Variants in ZFHX3 observed in about 807,000 individuals in gnomAD.
ZFHX3 encodes zinc finger homeobox protein 3.
In ZFHX3, 42 loss-of-function variants were observed where a neutral mutation model predicts 279.1. The observed-to-expected ratio is 0.15, with a 90% CI of 0.12 to 0.19. The LOEUF is 0.19. Ranked by LOEUF, ZFHX3 falls within the 10% of genes least tolerant of loss-of-function variation. The probability of loss-of-function intolerance (pLI) is 1.00; values close to 1 mark genes in which losing one functional copy is unlikely to be tolerated. For synonymous variants in ZFHX3, 2,293 were observed against 1,957.8 expected, an observed-to-expected ratio of 1.17 and a Z score of -4.52; for missense variants, 4,981 against 4,754.0, an observed-to-expected ratio of 1.05 and a Z score of -1.40.
chr16:72,864,570 A>G (rs2037966923), intron 4 of ZFHX3, among the ~76,000 whole-genome samples: 1 of 152,234 alleles, frequency 6.6e-6, no homozygotes, highest in Non-Finnish European at 1.5e-5. Flanking sequence ...TAGACACACA[A>G]GTAAAGCTTT....
At chr16:73,351,043 G>T (rs1045629394) in intron 3 of ZFHX3, among the ~76,000 whole-genome samples, 1 of 152,170 alleles carries the variant, frequency 6.6e-6, no homozygotes, top group Non-Finnish European at 1.5e-5. Flanking sequence ...AAGTGACACT[G>T]GTGGCATTTG....
intron 2 of ZFHX3, among the ~76,000 whole-genome samples, chr16:73,659,672 C>T (rs2052759751): frequency 6.6e-6 from 1 of 152,038 alleles, no homozygotes; most frequent in African/African-American, 2.4e-5. Flanking sequence ...CAAAGCATGG[C>T]AAAGTCTATC....
intron 4 of ZFHX3, among the ~76,000 whole-genome samples, chr16:73,304,675 A>C (rs1392031052): frequency 1.3e-5 from 2 of 152,218 alleles, no homozygotes; most frequent in African/African-American, 4.8e-5. Flanking sequence ...TTTTATGGCC[A>C]ACATTACAGA....
intron 1 of ZFHX3, among the ~76,000 whole-genome samples, chr16:73,032,066 C>T (rs916291319): frequency 2.0e-5 from 3 of 152,114 alleles, no homozygotes; most frequent in Non-Finnish European, 2.9e-5. Flanking sequence ...ATAGGCTGGG[C>T]GCAGTGGCTC....
intron 4 of ZFHX3, among the ~76,000 whole-genome samples, chr16:72,866,364 T>G (rs1216686322): frequency 6.6e-6 from 1 of 152,174 alleles, no homozygotes; most frequent in East Asian, 1.9e-4. Context: ...TTGCGTCCCC[T>G]TTTATAGGTA....
intron 3 of ZFHX3, among the ~76,000 whole-genome samples, chr16:72,941,513 G>T (rs973160162): frequency 2.0e-5 from 3 of 152,200 alleles, no homozygotes; most frequent in Admixed American, 6.5e-5. Context: ...TCAGGTAAGT[G>T]TAAGTATAAT....
intron 2 of ZFHX3, among the ~76,000 whole-genome samples, chr16:73,556,871 A>G (rs35302970): frequency 0.12 from 17,861 of 151,904 alleles, 3,573 homozygotes; most frequent in African/African-American, 0.41. Context: ...CGAGACAGGC[A>G]GATCACGAGG....
In ZFHX3 at chr16:72,796,257, T is replaced by C. The variant is rs762564526; in HGVS notation, c.6425A>G (p.Gln2142Arg). 71 of 1,614,034 alleles carry C rather than the reference T, an allele frequency of 4.4e-5. No homozygotes were observed. The Admixed American group carries it at 4.8e-4, about 11-fold the overall frequency. ...YQHQLNPTLL[Q>R]QQNKRPRTRI... is the part of the protein sequence containing the mutation. ...GGTGCGAGGCCTCTTGTTCTGCTGC[T>C]GGAGCAGGGTTGGATTGAGCTGATG... The change falls in exon 9 of 10, where the codon CAG becomes CGG. Residue 2142 changes from glutamine to arginine, a missense_variant. By Grantham distance (43) the Gln-to-Arg change is conservative. Around this residue, in one of 7 missense-constraint regions of ZFHX3, gnomAD observed 1,751 missense variants for 1,770.0 expected, o/e 0.99. Transcript: ENST00000268489.
At chr16:73,071,835 C>T (rs898447454) in intron 8 of ZFHX3, among the ~76,000 whole-genome samples, 2 of 152,164 alleles carry the variant, frequency 1.3e-5, no homozygotes, top group Non-Finnish European at 2.9e-5. Context: ...GCTTTGAAAG[C>T]GGACAGCAAG....
chr16:72,796,826 A>G lies in ZFHX3; in HGVS notation c.5856T>C (p.Phe1952=), dbSNP rs768878428. The change falls in exon 9 of 10, where the codon TTT becomes TTC. Residue 1952 remains phenylalanine, a synonymous_variant. Coordinates refer to ENST00000268489, the MANE Select transcript of ZFHX3 (RefSeq NM_006885.4). The part of the protein sequence containing the change: ...GNATKALLEN[F]GFELVIQYNE... Reference sequence around the variant, plus strand: ...TATACTGGATGACCAACTCAAAGCCAAAGTTCTCCAGCAGGGCCTTGGTGG... The same window carrying G: ...TATACTGGATGACCAACTCAAAGCCGAAGTTCTCCAGCAGGGCCTTGGTGG... 1.2e-6 allele frequency: 2 copies of G among 1,613,458 alleles called. No individual in the cohort carries two copies. The highest frequency in any genetic ancestry group is 3.3e-5 in the Admixed American group (2 of 59,960).
chr16:73,586,982 G>A (rs1215465977), intron 2 of ZFHX3, among the ~76,000 whole-genome samples: 1 of 152,084 alleles, frequency 6.6e-6, no homozygotes, highest in South Asian at 2.1e-4. Context: ...GTCTTCCAAA[G>A]AATGCTGAAT....
chr16:73,460,295 T>C (rs1037526468), intron 2 of ZFHX3, among the ~76,000 whole-genome samples: 1 of 152,236 alleles, frequency 6.6e-6, no homozygotes, highest in Non-Finnish European at 1.5e-5. Context: ...CCTGTATCAA[T>C]TGTTTGCTCT....
chr16:73,864,123 A>C (rs1379719677), intron 1 of ZFHX3, among the ~76,000 whole-genome samples: 2 of 152,182 alleles, frequency 1.3e-5, no homozygotes, highest in African/African-American at 4.8e-5. Context: ...GATTATTGGC[A>C]TGTTTACAAT....
chr16:72,956,610 G>C (rs1363814804), intron 2 of ZFHX3, among the ~76,000 whole-genome samples: 1 of 152,184 alleles, frequency 6.6e-6, no homozygotes, highest in African/African-American at 2.4e-5. Flanking sequence ...AGCCTGAACA[G>C]AGCCAAATCA....
At chr16:73,444,458 A>C (rs867981281) in intron 3 of ZFHX3, among the ~76,000 whole-genome samples, 1 of 152,202 alleles carries the variant, frequency 6.6e-6, no homozygotes, top group Admixed American at 6.5e-5. Context: ...CCTTAGATTT[A>C]ATGTAATTTG....
At chr16:72,941,676 A>C (rs553539100) in intron 3 of ZFHX3, among the ~76,000 whole-genome samples, 1 of 152,130 alleles carries the variant, frequency 6.6e-6, no homozygotes, top group Non-Finnish European at 1.5e-5. Flanking sequence ...TGTCATATAA[A>C]TTTCTTTTTA....
chr16:73,597,162 C>T (rs926693964), intron 2 of ZFHX3, among the ~76,000 whole-genome samples: 7 of 152,184 alleles, frequency 4.6e-5, no homozygotes, highest in Non-Finnish European at 5.9e-5. Context: ...TCTCTCAGTA[C>T]GTTATCTCTG....
At chr16:72,883,156 A>G (rs948166713) in intron 4 of ZFHX3, among the ~76,000 whole-genome samples, 2 of 152,122 alleles carry the variant, frequency 1.3e-5, no homozygotes, top group Non-Finnish European at 2.9e-5. Flanking sequence ...TGAACAGGCA[A>G]TTGGCACTGA....
intron 3 of ZFHX3, among the ~76,000 whole-genome samples, chr16:73,451,987 T>C (rs1321780365): frequency 6.6e-6 from 1 of 152,212 alleles, no homozygotes; most frequent in Non-Finnish European, 1.5e-5. Flanking sequence ...GAGGGCTACA[T>C]ACTGTATTTA....
Sources: allele counts gnomAD v4.1 joint callset (sites outside exome capture counted in the v4.1 genomes callset), GRCh38; gene constraint gnomAD v4.1.1; regional missense constraint gnomAD v4.1.1; transcripts MANE v1.5; gene names NCBI Gene and HGNC (gene_info 2026-07-23, HGNC 2026-07-21).